The following GUCY1A2 variants were observed in gnomAD, a reference collection of about 807,000 sequenced individuals.
GUCY1A2 encodes the protein guanylate cyclase soluble subunit alpha-2.
GUCY1A2 carries 27 observed loss-of-function variants against 63.5 expected under a neutral mutation model. The observed-to-expected ratio is 0.43, with a 90% CI of 0.31 to 0.59. The LOEUF (loss-of-function observed/expected upper bound fraction) is 0.59, where lower values mean the gene tolerates loss of function less well. Ranked by LOEUF, GUCY1A2 falls within the 20% of genes least tolerant of loss-of-function variation. The pLI is 0.11. For synonymous variants in GUCY1A2, 364 were observed against 343.5 expected (o/e 1.06, Z -0.66); for missense variants, 768 against 913.3 (o/e 0.84, Z 2.05).
At chr11:106,832,229 G>A (rs538282106) in intron 4 of GUCY1A2, among the ~76,000 whole-genome samples, 1 of 152,170 alleles carries the variant, frequency 6.6e-6, no homozygotes, top group East Asian at 1.9e-4. Flanking sequence ...TGGTTTTAAA[G>A]CCTTTCAAGT....
intron 5 of GUCY1A2, among the ~76,000 whole-genome samples, chr11:106,787,116 T>C (rs1197895950): frequency 6.6e-6 from 1 of 151,392 alleles, no homozygotes; most frequent in Non-Finnish European, 1.5e-5. Flanking sequence ...TTCTTTTTTA[T>C]TAATTTTTTA....
At chr11:107,011,219 G>C (rs916516721) in intron 1 of GUCY1A2, among the ~76,000 whole-genome samples, 1 of 152,014 alleles carries the variant, frequency 6.6e-6, no homozygotes, top group African/African-American at 2.4e-5. Context: ...ACATGTGTGT[G>C]AAATCTCAAA....
chr11:106,910,441 G>A (rs1860277889), intron 4 of GUCY1A2, among the ~76,000 whole-genome samples: 1 of 151,948 alleles, frequency 6.6e-6, no homozygotes, highest in South Asian at 2.1e-4. Context: ...CAGGAAAAAA[G>A]GCATAGAACT....
At position 107,018,103 on chromosome 11, in the gene GUCY1A2, A is replaced by AGCGGCGGCGGAGGCG. The variant is rs1555062951; in HGVS notation, c.-63_-49dup. ...CCGAGGCGGTGGCGGCGAGGACGCG[A>AGCGGCGGCGGAGGCG]GCGGCGGCGGAGGCGGCGGTGGCGG... On this transcript the variant is annotated 5_prime_UTR_variant, in exon 1 of 8. Coordinates refer to ENST00000526355, the MANE Select transcript of GUCY1A2 (RefSeq NM_000855.3). 1.3e-4 allele frequency: 171 copies of AGCGGCGGCGGAGGCG among 1,295,936 alleles called. 1 individual carries two copies. The South Asian group carries it at 1.3e-3, about 10-fold the overall frequency. The allele number at this position is 1,295,936 out of a possible 1,614,324, so 80.3% of individuals were successfully genotyped here. A position where few individuals can be genotyped will look rare whatever the true frequency, so the allele number is the denominator to read the frequency against.
intron 5 of GUCY1A2, among the ~76,000 whole-genome samples, chr11:106,785,104 T>C (rs747872664): frequency 6.6e-5 from 10 of 152,208 alleles, no homozygotes; most frequent in Non-Finnish European, 1.2e-4. Context: ...GGTAGCTTTT[T>C]TCTCCAGTAC....
At chr11:106,862,912 T>C (rs185051355) in intron 4 of GUCY1A2, among the ~76,000 whole-genome samples, 77 of 152,206 alleles carry the variant, frequency 5.1e-4, no homozygotes, top group African/African-American at 1.8e-3. Context: ...AAGATTTCTT[T>C]TGAAAAATGC....
At chr11:106,748,520 T>C (rs575913819) in intron 6 of GUCY1A2, among the ~76,000 whole-genome samples, 9 of 152,326 alleles carry the variant, frequency 5.9e-5, no homozygotes, top group African/African-American at 2.2e-4. Flanking sequence ...GTTCCCTCCC[T>C]GTTAATTCTC....
intron 3 of GUCY1A2, among the ~76,000 whole-genome samples, chr11:106,957,611 C>T (rs1861004143): frequency 6.6e-6 from 1 of 152,072 alleles, no homozygotes; most frequent in South Asian, 2.1e-4. Context: ...GTCAGGCCAG[C>T]CTTCTTGTCA....
chr11:106,898,482 A>G (rs1325695134), intron 4 of GUCY1A2, among the ~76,000 whole-genome samples: 1 of 152,198 alleles, frequency 6.6e-6, no homozygotes, highest in Non-Finnish European at 1.5e-5. Flanking sequence ...CACTCTGAAC[A>G]TGCAGGCAAT....
intron 5 of GUCY1A2, among the ~76,000 whole-genome samples, chr11:106,792,162 C>T (rs1286183342): frequency 6.6e-6 from 1 of 151,936 alleles, no homozygotes; most frequent in Non-Finnish European, 1.5e-5. Flanking sequence ...CTAAGGCAGG[C>T]AGATCACGAG....
intron 4 of GUCY1A2, among the ~76,000 whole-genome samples, chr11:106,917,087 C>T (rs1860379178): frequency 6.9e-6 from 1 of 145,484 alleles, no homozygotes; most frequent in Non-Finnish European, 1.5e-5. Context: ...AGAAACAAAT[C>T]ATTACAGATA....
At chr11:106,909,101 C>T (rs557657583) in intron 4 of GUCY1A2, among the ~76,000 whole-genome samples, 3 of 152,032 alleles carry the variant, frequency 2.0e-5, no homozygotes, top group African/African-American at 7.2e-5. Flanking sequence ...TTTACATCAT[C>T]AAACAACAGA....
intron 3 of GUCY1A2, among the ~76,000 whole-genome samples, chr11:106,951,513 T>G (rs1860908839): frequency 6.6e-6 from 1 of 152,212 alleles, no homozygotes; most frequent in African/African-American, 2.4e-5. Flanking sequence ...CTTTTTTTCA[T>G]GATTGTTGGC....
At chr11:106,871,796 A>G (rs939581988) in intron 4 of GUCY1A2, among the ~76,000 whole-genome samples, 1 of 152,188 alleles carries the variant, frequency 6.6e-6, no homozygotes, top group African/African-American at 2.4e-5. Context: ...TGATCTGGGT[A>G]ATGTCAAAGA....
At chr11:106,891,265 A>G (rs1032526435) in intron 4 of GUCY1A2, among the ~76,000 whole-genome samples, 22 of 152,160 alleles carry the variant, frequency 1.4e-4, no homozygotes, top group African/African-American at 4.3e-4. Context: ...ATTAAAAAAT[A>G]GCTGATCAAG....
chr11:106,683,199 G>A lies in GUCY1A2; in HGVS notation c.*4350C>T, dbSNP rs1444449913. The A allele has an allele frequency of 4.7e-6, 1 of 214,214 alleles. No homozygotes were observed. The highest frequency in any genetic ancestry group is 9.4e-6 in the Non-Finnish European group (1 of 106,144). 13.3% of individuals were successfully genotyped at this position (214,214 alleles called of 1,614,324 possible). On this transcript the variant is annotated 3_prime_UTR_variant, in exon 8 of 8. Coordinates refer to ENST00000526355, the MANE Select transcript of GUCY1A2 (RefSeq NM_000855.3). ...ATTTTTGGGTTATATCTATTATTAA[G>A]CTATGATTATAGAAGCCTCTGAAAT...
intron 3 of GUCY1A2, 68 bp downstream of exon 3, chr11:106,978,551 C>A: frequency 9.3e-7 from 1 of 1,080,926 alleles, no homozygotes; most frequent in Non-Finnish European, 1.3e-6. Context: ...GAACATGAAA[C>A]ACTTCCACCT....
Position 106,877,390 on chromosome 11 carries a change from A to T in GUCY1A2, c.1206+62070T>A, listed in dbSNP as rs561816376. Among the ~76,000 whole-genome samples the T allele has an allele frequency of 7.4e-4, 112 of 152,214 alleles. 2 individuals are homozygous for T. The South Asian group carries it at 0.023, about 31-fold the overall frequency. ...GCAGGCATAATGCTACCTGACTTCA[A>T]ACTATACTATAGGGCTACAGTAACC... On this transcript the variant is annotated intron_variant, in intron 4 of 7. Transcript: ENST00000526355.
chr11:106,987,086 A>G (rs1045942681), intron 1 of GUCY1A2, among the ~76,000 whole-genome samples: 4 of 152,208 alleles, frequency 2.6e-5, no homozygotes, highest in Non-Finnish European at 5.9e-5. Context: ...AATGTTTTAA[A>G]TAACAAAAAC....
Sources: gnomAD v4.1 joint callset for allele counts (sites outside exome capture counted in the v4.1 genomes callset) on GRCh38, gnomAD v4.1.1 for gene constraint, MANE v1.5 for transcripts, NCBI Gene and HGNC (gene_info 2026-07-23, HGNC 2026-07-21) for gene names.